The following CCDC7 variants were observed in gnomAD, a reference collection of about 807,000 sequenced individuals.
CCDC7 encodes the protein coiled-coil domain containing 7, also known as coiled-coil domain-containing protein 7.
CCDC7 carries 183 observed loss-of-function variants against 196.9 expected under a neutral mutation model. The ratio of observed to expected loss-of-function variants is 0.93; its 90% CI spans 0.82 to 1.05. The LOEUF (loss-of-function observed/expected upper bound fraction) is 1.05. Ranked by LOEUF, CCDC7 falls within the 50% of genes least tolerant of loss-of-function variation. CCDC7 has a pLI of 0.00. For synonymous variants in CCDC7, 525 were observed against 484.6 expected, an observed-to-expected ratio of 1.08 and a Z score of -1.10; for missense variants, 1,540 against 1,482.2, an observed-to-expected ratio of 1.04 and a Z score of -0.64.
intron 24 of CCDC7, among the ~76,000 whole-genome samples, chr10:32,702,134 C>T (rs1463602891): frequency 6.6e-6 from 1 of 152,028 alleles, no homozygotes; most frequent in African/African-American, 2.4e-5. Context: ...TTAGATTTTT[C>T]CTGCTTTCTC....
intron 32 of CCDC7, among the ~76,000 whole-genome samples, chr10:32,829,901 C>T (rs1013739973): frequency 1.3e-5 from 2 of 151,236 alleles, no homozygotes; most frequent in African/African-American, 4.8e-5. Context: ...GGCAGAAAAA[C>T]GTGAAAATAC....
chr10:32,511,259 G>GGC lies in CCDC7; in HGVS notation c.873-6684_873-6683dup, dbSNP rs1554812835. ...CCTGCCACAGAATTATTCTGTGGGGGGCGGGGGGGGCGGGGAAATGTACTT... is the reference window on the plus strand; with the variant it reads ...CCTGCCACAGAATTATTCTGTGGGGGGCGCGGGGGGGGCGGGGAAATGTACTT... On this transcript the variant is annotated intron_variant, in intron 9 of 41. Coordinates refer to ENST00000639629, the Ensembl canonical transcript of CCDC7. 1.1e-5 allele frequency: 7 copies of GGC among 637,216 alleles called. 1 individual carries two copies. The highest frequency in any genetic ancestry group is 2.4e-5 in the African/African-American group (1 of 41,008). 39.5% of individuals were successfully genotyped at this position (637,216 alleles called of 1,614,324 possible). A position where few individuals can be genotyped will look rare whatever the true frequency, so the allele number is the denominator to read the frequency against.
intron 20 of CCDC7, among the ~76,000 whole-genome samples, chr10:32,655,359 G>T (rs761081507): frequency 1.3e-5 from 2 of 151,980 alleles, no homozygotes; most frequent in African/African-American, 2.4e-5. Flanking sequence ...ATTATACAAG[G>T]GTTTTCTTTC....
At chr10:32,764,247 C>G (rs2077916373) in intron 28 of CCDC7, among the ~76,000 whole-genome samples, 2 of 150,358 alleles carry the variant, frequency 1.3e-5, no homozygotes, top group East Asian at 2.0e-4. Context: ...TAATTAGACA[C>G]AAGTCCCACC....
At position 32,451,915 on chromosome 10, in the gene CCDC7, G is replaced by GA. The variant is rs781553535; in HGVS notation, c.275dup (p.Met93AspfsTer25). 9.3e-6 allele frequency: 15 copies of GA among 1,610,750 alleles called. No homozygotes were observed. The East Asian group carries it at 3.1e-4, about 34-fold the overall frequency. On this transcript the variant is annotated frameshift_variant, in exon 1 of 42. Transcript: ENST00000639629. LOFTEE classifies it high-confidence loss of function. ...TGATCGGAAAAATTATCAAACATCT[G>GA]AAGATGGTAAGAGGCTTGTTAGTTT... is the stretch of plus-strand genomic sequence containing the variant.
intron 9 of CCDC7, among the ~76,000 whole-genome samples, chr10:32,504,946 G>A (rs770124925): frequency 2.0e-5 from 3 of 152,222 alleles, no homozygotes; most frequent in South Asian, 2.1e-4. Flanking sequence ...GTTCAAGTCC[G>A]ATGTTTCCGT....
At chr10:32,879,785 A>G (rs2094723702), downstream of CCDC7, among the ~76,000 whole-genome samples, 2 of 137,194 alleles carry the variant, frequency 1.5e-5, no homozygotes, top group South Asian at 4.5e-4. Flanking sequence ...GCTCTCACTT[A>G]TAAGTGAGAA....
Position 32,849,113 on chromosome 10 carries a change from T to TG in CCDC7, c.3895+396dup, listed in dbSNP as rs202185374. ...ATCTGCAATATGGATTGCTGGGTTT[T>TG]GTTTTTTTTTTTTCATTTATACCCA... On this transcript the variant is annotated intron_variant, in intron 39 of 41. Transcript: ENST00000639629. 6.7e-5 allele frequency among the ~76,000 whole-genome samples: 10 copies of TG among 148,854 alleles called. No homozygotes were observed. The East Asian group carries it at 1.2e-3, about 17-fold the overall frequency.
At chr10:32,878,499 C>T (rs1336162239), downstream of CCDC7, among the ~76,000 whole-genome samples, 1 of 151,966 alleles carries the variant, frequency 6.6e-6, no homozygotes, top group Non-Finnish European at 1.5e-5. Flanking sequence ...GCAGGATAAC[C>T]CTTAATATTG....
intron 9 of CCDC7, among the ~76,000 whole-genome samples, chr10:32,495,338 G>A (rs2042752042): frequency 6.6e-6 from 1 of 152,114 alleles, no homozygotes; most frequent in Non-Finnish European, 1.5e-5. Context: ...CATTCTGTAG[G>A]TTACCTGTTC....
At chr10:32,662,496 G>C (rs113466004) in intron 20 of CCDC7, among the ~76,000 whole-genome samples, 3 of 152,252 alleles carry the variant, frequency 2.0e-5, no homozygotes, top group African/African-American at 7.2e-5. Flanking sequence ...TCACTATTTG[G>C]ACTGTAGTGG....
intron 32 of CCDC7, among the ~76,000 whole-genome samples, chr10:32,829,877 T>C (rs193279156): frequency 6.6e-6 from 1 of 151,634 alleles, no homozygotes; most frequent in East Asian, 2.0e-4. Context: ...CCAGTGTGGC[T>C]AGAATATAAA....
At chr10:32,788,820 C>T (rs899370395) in intron 29 of CCDC7, among the ~76,000 whole-genome samples, 1 of 152,234 alleles carries the variant, frequency 6.6e-6, no homozygotes, top group Non-Finnish European at 1.5e-5. Context: ...TTCAGGTCTG[C>T]CCCTGTGGGC....
At chr10:32,480,376 A>G (rs949338235) in intron 8 of CCDC7, among the ~76,000 whole-genome samples, 1 of 151,930 alleles carries the variant, frequency 6.6e-6, no homozygotes, top group Admixed American at 6.6e-5. Flanking sequence ...AGGCTGGAGT[A>G]GAGTGATGTG....
intron 16 of CCDC7, 146 bp from the exon 18 acceptor site, chr10:32,582,888 C>T (rs1403279264): frequency 6.8e-6 from 3 of 442,848 alleles, no homozygotes; most frequent in African/African-American, 2.0e-5. Flanking sequence ...TGTTACCTAG[C>T]ATCAATTTCA....
At chr10:32,543,546 T>G (rs918559590) in intron 12 of CCDC7, among the ~76,000 whole-genome samples, 161 bp downstream of exon 13, 4 of 152,052 alleles carry the variant, frequency 2.6e-5, no homozygotes, top group African/African-American at 9.7e-5. Flanking sequence ...TATATGATTA[T>G]GGGATAAAGC....
At chr10:32,834,202 C>T (rs1035975816) in intron 32 of CCDC7, among the ~76,000 whole-genome samples, 5 of 152,006 alleles carry the variant, frequency 3.3e-5, no homozygotes, top group East Asian at 3.8e-4. Context: ...TGAGAGGGCA[C>T]GTTCTACCAG....
chr10:32,821,496 T>G (rs1228448660), intron 31 of CCDC7, among the ~76,000 whole-genome samples: 1 of 152,184 alleles, frequency 6.6e-6, no homozygotes, highest in Non-Finnish European at 1.5e-5. Flanking sequence ...CATGCTGCTA[T>G]AAATACACAT....
At chr10:32,714,489 C>A (rs2081296104) in intron 25 of CCDC7, among the ~76,000 whole-genome samples, 1 of 152,194 alleles carries the variant, frequency 6.6e-6, no homozygotes, top group Non-Finnish European at 1.5e-5. Context: ...TGGGCAGACA[C>A]CAAGCTAGTT....
Sources: gnomAD v4.1 joint callset for allele counts (sites outside exome capture counted in the v4.1 genomes callset) on GRCh38, gnomAD v4.1.1 for gene constraint, MANE v1.5 for transcripts, NCBI Gene and HGNC (gene_info 2026-07-23, HGNC 2026-07-21) for gene names.